The following DAPK1 variants were observed in gnomAD, a reference collection of about 807,000 sequenced individuals.
DAPK1 encodes death associated protein kinase 1.
Under a neutral mutation model 144.9 loss-of-function variants are expected in DAPK1, and 56 were observed. The ratio of observed to expected loss-of-function variants is 0.39; its 90% CI spans 0.31 to 0.48. The LOEUF (loss-of-function observed/expected upper bound fraction) is 0.48, where lower values mean the gene tolerates loss of function less well. DAPK1 is among the 20% of genes least tolerant of loss of function. The pLI is 0.95. For missense variants in DAPK1, 1,454 were observed against 1,875.4 expected (o/e 0.78, Z 4.15); for synonymous variants, 690 against 749.0 (o/e 0.92, Z 1.29).
intron 20 of DAPK1, among the ~76,000 whole-genome samples, chr9:87,684,236 C>T (rs3128486): frequency 0.46 from 70,450 of 152,068 alleles, 17,206 homozygotes; most frequent in East Asian, 0.71. Flanking sequence ...GTTAGACACC[C>T]GAGGAACTGC....
At chr9:87,583,182 A>G (rs1349119955) in intron 2 of DAPK1, among the ~76,000 whole-genome samples, 3 of 152,178 alleles carry the variant, frequency 2.0e-5, no homozygotes, top group African/African-American at 7.2e-5. Context: ...GATAGGGAAG[A>G]ATAATATTTC....
At chr9:87,655,617 A>C (rs1421952575) in intron 17 of DAPK1, among the ~76,000 whole-genome samples, 1 of 152,120 alleles carries the variant, frequency 6.6e-6, no homozygotes, top group African/African-American at 2.4e-5. Flanking sequence ...CTACCCTGTC[A>C]CCAGTATGTG....
intron 25 of DAPK1, among the ~76,000 whole-genome samples, chr9:87,705,085 CTA>C (rs1825590765): frequency 6.6e-6 from 1 of 151,794 alleles, no homozygotes; most frequent in East Asian, 1.9e-4. Flanking sequence ...CAGGCCTTTT[CTA>C]TGTGTGTGTG....
At chr9:87,612,891 A>T (rs548861919) in intron 3 of DAPK1, among the ~76,000 whole-genome samples, 1 of 152,296 alleles carries the variant, frequency 6.6e-6, no homozygotes, top group African/African-American at 2.4e-5. Context: ...TCTGGATCAC[A>T]TGTCTGAAAG....
At chr9:87,622,067 T>G (rs547609674) in intron 3 of DAPK1, among the ~76,000 whole-genome samples, 31 of 152,062 alleles carry the variant, frequency 2.0e-4, no homozygotes, top group Non-Finnish European at 4.0e-4. Flanking sequence ...TTTTTTTTTT[T>G]TATTTCTCTG....
At chr9:87,515,911 C>T (rs1162943530) in intron 2 of DAPK1, among the ~76,000 whole-genome samples, 2 of 152,130 alleles carry the variant, frequency 1.3e-5, no homozygotes, top group African/African-American at 4.8e-5. Flanking sequence ...GTCGGTCTTA[C>T]CAGCCTCCCC....
At chr9:87,518,488 A>G (rs1021490226) in intron 2 of DAPK1, among the ~76,000 whole-genome samples, 1 of 151,754 alleles carries the variant, frequency 6.6e-6, no homozygotes, top group Non-Finnish European at 1.5e-5. Context: ...GCCATCGTCA[A>G]TCTCATTGAT....
chr9:87,669,767 G>GC (rs888969150), intron 19 of DAPK1, among the ~76,000 whole-genome samples: 3 of 151,782 alleles, frequency 2.0e-5, no homozygotes, highest in Non-Finnish European at 4.4e-5. Context: ...CAGGGGCAGG[G>GC]GGGGGCCACA....
At chr9:87,652,960 A>C (rs1462479522) in intron 17 of DAPK1, among the ~76,000 whole-genome samples, 11 of 87,802 alleles carry the variant, frequency 1.3e-4, no homozygotes, top group South Asian at 4.7e-4. Context: ...GTGTCCTCCC[A>C]CCTGATCCCA....
At chr9:87,602,355 G>T (rs1357193805) in intron 2 of DAPK1, among the ~76,000 whole-genome samples, 1 of 152,076 alleles carries the variant, frequency 6.6e-6, no homozygotes, top group East Asian at 1.9e-4. Flanking sequence ...TGTGAGTGAG[G>T]GATCCATTGT....
At position 87,706,352 on chromosome 9, in the gene DAPK1, A is replaced by T. The variant is rs763028385; in HGVS notation, c.3281A>T (p.Asp1094Val). The change falls in exon 26 of 26, where the codon GAC (aspartate) becomes GTC (valine). Residue 1094 changes from aspartate to valine, a missense_variant. Physicochemically the swap from Asp to Val is radical, Grantham distance 152. Coordinates refer to ENST00000408954, the MANE Select transcript of DAPK1 (RefSeq NM_004938.4). This position sits in a 1 kb window ranked among gnomAD's most constrained non-coding sequence, Gnocchi z 9.0. ...GATGCCATGGACATCTGCGCCCGGG[A>T]CCTGAGCAGCGGGACCATGGTGGAC... ...ILDAMDICARDLSSGTMVDVP... is the reference protein window; with the variant it reads ...ILDAMDICARVLSSGTMVDVP... 6.2e-7 allele frequency: 1 copy of T among 1,608,494 alleles called. No individual in the cohort carries two copies. Among genetic ancestry groups the T allele is most frequent in the Non-Finnish European group, 8.5e-7 (1 of 1,177,276 alleles).
intron 2 of DAPK1, among the ~76,000 whole-genome samples, chr9:87,548,488 A>G (rs1282914465): frequency 1.2e-4 from 18 of 152,192 alleles, no homozygotes; most frequent in Admixed American, 1.2e-3. Flanking sequence ...TTGGTAAGGT[A>G]GTCAATAGAA....
rs1410739491 is a variant in DAPK1 at position 87,596,716 on chromosome 9, C to T, written c.63-8238C>T. On this transcript the variant is annotated intron_variant, in intron 2 of 25. Transcript: ENST00000408954. The stretch of plus-strand genomic sequence containing the variant: ...AGTCACTTTCTGTGTCGAATCCTTC[C>T]TCTGCACAGCTTCTGGGGCGATCTG... Among the ~76,000 whole-genome samples, 5 of 152,242 alleles carry T rather than the reference C, an allele frequency of 3.3e-5. No homozygotes were observed. In the South Asian group the frequency reaches 8.3e-4, roughly 25 times the overall value.
At chr9:87,699,509 C>T (rs991944883) in intron 23 of DAPK1, among the ~76,000 whole-genome samples, 12 of 152,098 alleles carry the variant, frequency 7.9e-5, no homozygotes, top group East Asian at 1.9e-4. Flanking sequence ...TTTTGTAAAA[C>T]GTTTGTTTCA....
intron 3 of DAPK1, among the ~76,000 whole-genome samples, chr9:87,606,879 T>C (rs957406690): frequency 2.0e-4 from 30 of 150,466 alleles, no homozygotes; most frequent in African/African-American, 6.9e-4. Context: ...AGTGACATTT[T>C]GGGCTGAATC....
chr9:87,664,637 G>A (rs570599911), intron 18 of DAPK1, among the ~76,000 whole-genome samples: 2 of 152,320 alleles, frequency 1.3e-5, no homozygotes, highest in South Asian at 4.1e-4. Flanking sequence ...TAGCAGGAGT[G>A]AGCCCTTGGG....
chr9:87,578,744 C>A (rs1049040686), intron 2 of DAPK1, among the ~76,000 whole-genome samples: 3 of 152,250 alleles, frequency 2.0e-5, no homozygotes, highest in African/African-American at 7.2e-5. Flanking sequence ...TAGCAGCTCT[C>A]TGTGAATGTG....
chr9:87,685,507 G>A (rs1418582416), intron 20 of DAPK1, among the ~76,000 whole-genome samples: 1 of 152,070 alleles, frequency 6.6e-6, no homozygotes, highest in African/African-American at 2.4e-5. Flanking sequence ...AATGCAATTC[G>A]TTCACCAAGT....
intron 17 of DAPK1, among the ~76,000 whole-genome samples, chr9:87,653,443 AATT>A (rs1830527370): frequency 6.6e-6 from 1 of 152,226 alleles, no homozygotes; most frequent in Non-Finnish European, 1.5e-5. Context: ...ATAAACAGAA[AATT>A]ATTATAATAA....
Sources: gnomAD v4.1 joint callset for allele counts (sites outside exome capture counted in the v4.1 genomes callset) on GRCh38, gnomAD v4.1.1 for gene constraint, Gnocchi (gnomAD v3.1) non-coding constraint, MANE v1.5 for transcripts, NCBI Gene and HGNC (gene_info 2026-07-23, HGNC 2026-07-21) for gene names.